CHD6: variants seen among roughly 807,000 people sequenced by gnomAD.
The protein encoded by CHD6 is ATP-dependent chromatin remodeler CHD6.
Under a neutral mutation model 276.9 loss-of-function variants are expected in CHD6, and 50 were observed. The observed-to-expected ratio is 0.18, with a 90% CI of 0.14 to 0.23. CHD6 has a LOEUF of 0.23. CHD6 is among the 10% of genes least tolerant of loss of function. The pLI is 1.00. For synonymous variants in CHD6, 1,173 were observed against 1,229.3 expected, an observed-to-expected ratio of 0.95 and a Z score of 0.96; for missense variants, 2,564 against 3,365.8, an observed-to-expected ratio of 0.76 and a Z score of 5.89.
At chr20:41,464,063 C>CA (rs1291878580) in intron 17 of CHD6, among the ~76,000 whole-genome samples, 1 of 152,046 alleles carries the variant, frequency 6.6e-6, no homozygotes, top group African/African-American at 2.4e-5. Context: ...AGAGTCGAGG[C>CA]AAAATGTAAA....
intron 10 of CHD6, among the ~76,000 whole-genome samples, chr20:41,493,216 A>G (rs1294627784): frequency 6.6e-6 from 1 of 152,170 alleles, no homozygotes; most frequent in Non-Finnish European, 1.5e-5. Flanking sequence ...GATACTACTG[A>G]GCTTCTCTTG....
intron 36 of CHD6, among the ~76,000 whole-genome samples, chr20:41,410,140 G>A (rs1258758738): frequency 6.6e-6 from 1 of 152,128 alleles, no homozygotes; most frequent in African/African-American, 2.4e-5. Flanking sequence ...TAAAAAGAGG[G>A]GTAGGGTTTC....
chr20:41,510,765 T>C (rs763080376), intron 5 of CHD6, among the ~76,000 whole-genome samples: 1 of 152,158 alleles, frequency 6.6e-6, no homozygotes, highest in Non-Finnish European at 1.5e-5. Flanking sequence ...GAAAATAAAA[T>C]CCTGTATAGT....
At chr20:41,418,178 C>T (rs1315781646) in intron 31 of CHD6, among the ~76,000 whole-genome samples, 1 of 152,224 alleles carries the variant, frequency 6.6e-6, no homozygotes, top group Non-Finnish European at 1.5e-5. Flanking sequence ...ATAAGCCAGA[C>T]AGATACCGCC....
At chr20:41,426,743 A>C (rs2047377112) in intron 27 of CHD6, among the ~76,000 whole-genome samples, 1 of 152,204 alleles carries the variant, frequency 6.6e-6, no homozygotes, top group Non-Finnish European at 1.5e-5. Context: ...ACAAGCACTG[A>C]GCTTGCCCAA....
At chr20:41,555,796 C>T (rs1197686379) in intron 1 of CHD6, among the ~76,000 whole-genome samples, 5 of 151,892 alleles carry the variant, frequency 3.3e-5, no homozygotes, top group Non-Finnish European at 7.4e-5. Flanking sequence ...GGGCTCCTCA[C>T]GTCCCAGACG....
intron 1 of CHD6, among the ~76,000 whole-genome samples, chr20:41,584,972 A>G (rs2045578281): frequency 6.6e-6 from 1 of 152,202 alleles, no homozygotes; most frequent in Non-Finnish European, 1.5e-5. Context: ...GAACAGAAAA[A>G]TAAGTCGTGA....
At chr20:41,427,674 T>C (rs1231736607) in intron 27 of CHD6, among the ~76,000 whole-genome samples, 6 of 152,188 alleles carry the variant, frequency 3.9e-5, no homozygotes, top group Non-Finnish European at 7.3e-5. Flanking sequence ...TGGGGAACAC[T>C]AGCTAACCTC....
At chr20:41,557,065 A>C (rs2146172479) in intron 1 of CHD6, among the ~76,000 whole-genome samples, 1 of 152,346 alleles carries the variant, frequency 6.6e-6, no homozygotes, top group East Asian at 1.9e-4. Context: ...ATGTAATTTC[A>C]GGGTCTCAAT....
intron 17 of CHD6, among the ~76,000 whole-genome samples, chr20:41,470,029 C>CA (rs1205907259): frequency 2.0e-5 from 3 of 152,158 alleles, no homozygotes; most frequent in Non-Finnish European, 4.4e-5. Flanking sequence ...AGTAAATATT[C>CA]TATATTTATA....
intron 3 of CHD6, among the ~76,000 whole-genome samples, chr20:41,522,535 T>C (rs1479918853): frequency 6.6e-6 from 1 of 152,004 alleles, no homozygotes; most frequent in Admixed American, 6.6e-5. Flanking sequence ...AAAGAATAAC[T>C]AGACAATGGT....
At chr20:41,599,597 C>A (rs763441490) in intron 1 of CHD6, among the ~76,000 whole-genome samples, 1 of 152,152 alleles carries the variant, frequency 6.6e-6, no homozygotes, top group Non-Finnish European at 1.5e-5. Flanking sequence ...TACTCCCAGA[C>A]AACCAAGAGG....
In CHD6 at chr20:41,452,098, G is replaced by A. The variant is rs1600892658; in HGVS notation, c.3324-73C>T. The A allele has an allele frequency of 2.7e-6, 3 of 1,116,626 alleles. No homozygotes were observed. Among genetic ancestry groups the A allele is most frequent in the Admixed American group, 3.8e-5 (2 of 52,368 alleles). 69.2% of individuals were successfully genotyped at this position (1,116,626 alleles called of 1,614,324 possible). On this transcript the variant is annotated intron_variant, in intron 21 of 36. Transcript: ENST00000373233. This position sits in a 1 kb window ranked among gnomAD's most constrained non-coding sequence, Gnocchi z 4.2. ...CATGCAGGCAGCCTCCCCACAGGAG[G>A]AGAAACAAGAGCCATACATGCTTTT...
At chr20:41,477,232 C>T (rs1047028493) in intron 16 of CHD6, among the ~76,000 whole-genome samples, 1 of 151,896 alleles carries the variant, frequency 6.6e-6, no homozygotes, top group Non-Finnish European at 1.5e-5. Flanking sequence ...CAGAGCAATA[C>T]CCTGTCTCTA....
chr20:41,434,395 G>A (rs1300717639), intron 27 of CHD6, among the ~76,000 whole-genome samples: 1 of 152,138 alleles, frequency 6.6e-6, no homozygotes, highest in Non-Finnish European at 1.5e-5. Flanking sequence ...TTTTGAGACA[G>A]AATCTCGCTC....
In CHD6 at chr20:41,403,998, C is replaced by T. The variant is rs76309944; in HGVS notation, c.*595G>A. 0.017 allele frequency: 17,690 copies of T among 1,051,824 alleles called. 185 individuals carry two copies. Among genetic ancestry groups the T allele is most frequent in the South Asian group, 0.033 (715 of 21,846 alleles). 65.2% of individuals were successfully genotyped at this position (1,051,824 alleles called of 1,614,324 possible). ...ACCAAGGGGGAAATTATATTACTAC[C>T]GGTAAGGTTTTTGTTTTTTATAAAG... is the stretch of plus-strand genomic sequence containing the variant. On this transcript the variant is annotated 3_prime_UTR_variant, in exon 37 of 37. Transcript: ENST00000373233.
chr20:41,552,080 G>C (rs2045155937), intron 1 of CHD6, among the ~76,000 whole-genome samples: 1 of 152,110 alleles, frequency 6.6e-6, no homozygotes, highest in Non-Finnish European at 1.5e-5. Flanking sequence ...GGCATTTCAG[G>C]GAAAAGAACA....
chr20:41,412,021 G>T, intron 36 of CHD6, 123 bp downstream of exon 36: 1 of 1,393,830 alleles, frequency 7.2e-7, no homozygotes. Context: ...CTGGCTTCTA[G>T]TCCTCTTGAA....
chr20:41,465,183 TAG>T (rs2042892826), intron 17 of CHD6, among the ~76,000 whole-genome samples: 1 of 152,180 alleles, frequency 6.6e-6, no homozygotes. Context: ...AAAAACAGGA[TAG>T]AGTCTCAAAA....
Sources: allele counts gnomAD v4.1 joint callset (sites outside exome capture counted in the v4.1 genomes callset), GRCh38; gene constraint gnomAD v4.1.1; non-coding constraint Gnocchi (gnomAD v3.1); transcripts MANE v1.5; gene names NCBI Gene and HGNC (gene_info 2026-07-23, HGNC 2026-07-21).